Variants in MIPOL1 observed in about 807,000 individuals in gnomAD.
The protein encoded by MIPOL1 is mirror-image polydactyly gene 1 protein.
A neutral mutation model predicts 60.9 loss-of-function variants in MIPOL1; 57 were observed. The observed-to-expected ratio is 0.94, with a 90% CI of 0.76 to 1.17. The LOEUF (loss-of-function observed/expected upper bound fraction) is 1.17. Ranked by LOEUF, MIPOL1 falls within the 50% of genes most tolerant of loss-of-function variation. The pLI, the probability that MIPOL1 is intolerant of heterozygous loss-of-function variation, is 0.00. For synonymous variants in MIPOL1, 179 were observed against 168.8 expected, an observed-to-expected ratio of 1.06 and a Z score of -0.47; for missense variants, 551 against 511.6, an observed-to-expected ratio of 1.08 and a Z score of -0.74.
chr14:37,410,674 T>A (rs1451828773), intron 10 of MIPOL1, among the ~76,000 whole-genome samples: 1 of 152,136 alleles, frequency 6.6e-6, no homozygotes, highest in East Asian at 1.9e-4. Context: ...AAATACATTT[T>A]AAAAATAGCA....
intron 11 of MIPOL1, among the ~76,000 whole-genome samples, chr14:37,453,077 A>G (rs939919811): frequency 6.6e-6 from 1 of 152,212 alleles, no homozygotes; most frequent in Non-Finnish European, 1.5e-5. Context: ...AATTTCCTTC[A>G]ATTCCCATCT....
chr14:37,248,311 C>T (rs1269329803), intron 3 of MIPOL1, among the ~76,000 whole-genome samples: 1 of 151,794 alleles, frequency 6.6e-6, no homozygotes. Flanking sequence ...GAAAGAGACA[C>T]AGGAAGGAAG....
intron 12 of MIPOL1, among the ~76,000 whole-genome samples, chr14:37,526,110 T>A (rs1409041420): frequency 1.3e-5 from 2 of 151,692 alleles, no homozygotes; most frequent in Non-Finnish European, 2.9e-5. Context: ...ATGTGATAGA[T>A]AACTTAAAAT....
intron 1 of MIPOL1, among the ~76,000 whole-genome samples, chr14:37,203,020 C>T (rs539114657): frequency 6.6e-6 from 1 of 152,304 alleles, no homozygotes; most frequent in East Asian, 1.9e-4. Context: ...CTCACTTCCA[C>T]TTGCAACTTC....
chr14:37,238,026 G>A (rs1029640476), intron 1 of MIPOL1, among the ~76,000 whole-genome samples: 2 of 151,992 alleles, frequency 1.3e-5, no homozygotes, highest in African/African-American at 4.8e-5. Flanking sequence ...GAGTACAATA[G>A]CGCGATCATA....
intron 12 of MIPOL1, among the ~76,000 whole-genome samples, chr14:37,510,829 C>T (rs918484199): frequency 1.3e-5 from 2 of 152,134 alleles, no homozygotes; most frequent in African/African-American, 2.4e-5. Context: ...TTTCTTCCAA[C>T]CCAGAGCCCA....
intron 11 of MIPOL1, among the ~76,000 whole-genome samples, chr14:37,433,466 C>CA (rs1457326013): frequency 6.6e-6 from 1 of 152,020 alleles, no homozygotes; most frequent in Non-Finnish European, 1.5e-5. Flanking sequence ...TGAGAACTTG[C>CA]AGTGTTTGGT....
chr14:37,495,960 C>G (rs2095121246), intron 11 of MIPOL1, among the ~76,000 whole-genome samples: 1 of 146,960 alleles, frequency 6.8e-6, no homozygotes, highest in South Asian at 2.2e-4. Flanking sequence ...CCTTCGCCCA[C>G]TTTTTGATGG....
intron 12 of MIPOL1, among the ~76,000 whole-genome samples, chr14:37,532,002 A>T (rs1372427980): frequency 2.0e-5 from 3 of 152,126 alleles, no homozygotes; most frequent in African/African-American, 7.2e-5. Flanking sequence ...GCATTAAGGG[A>T]TGGAGGGTGA....
chr14:37,431,605 G>C (rs2094069799), intron 11 of MIPOL1, among the ~76,000 whole-genome samples: 1 of 89,120 alleles, frequency 1.1e-5, no homozygotes, highest in Non-Finnish European at 2.0e-5. Flanking sequence ...TTGAGACAGA[G>C]TCTTGCTCTG....
At chr14:37,390,093 C>T (rs1045023676) in intron 10 of MIPOL1, among the ~76,000 whole-genome samples, 1 of 151,836 alleles carries the variant, frequency 6.6e-6, no homozygotes, top group African/African-American at 2.4e-5. Context: ...GTGGTGGGCA[C>T]CTGTAATCCC....
intron 11 of MIPOL1, among the ~76,000 whole-genome samples, chr14:37,493,051 A>G (rs1255399693): frequency 6.6e-6 from 1 of 152,218 alleles, no homozygotes; most frequent in Non-Finnish European, 1.5e-5. Flanking sequence ...CTAATGATTG[A>G]GCAATTACTG....
In MIPOL1 at chr14:37,340,366, C is replaced by T. The variant is rs188748286; in HGVS notation, c.829-29151C>T. On this transcript the variant is annotated intron_variant, in intron 9 of 12. Coordinates refer to ENST00000684589, the MANE Select transcript of MIPOL1 (RefSeq NM_001388067.1). Reference sequence around the variant, plus strand: ...TACAATGTGTTTATGTTTTAAGCTGCTTATTACAATAGTCAAATAGTTAAA... The same window carrying T: ...TACAATGTGTTTATGTTTTAAGCTGTTTATTACAATAGTCAAATAGTTAAA... 2.1e-4 allele frequency among the ~76,000 whole-genome samples: 32 copies of T among 152,168 alleles called. 1 individual carries two copies. Among genetic ancestry groups the T allele is most frequent in the Admixed American group, 2.0e-3 (31 of 15,278 alleles).
chr14:37,481,608 CA>C (rs1566684052), intron 11 of MIPOL1, among the ~76,000 whole-genome samples: 61 of 141,836 alleles, frequency 4.3e-4, no homozygotes, highest in African/African-American at 1.2e-3. Context: ...CACACACACA[CA>C]CACCGAAACC....
intron 9 of MIPOL1, among the ~76,000 whole-genome samples, chr14:37,345,696 A>G (rs144365845): frequency 1.1e-3 from 172 of 152,258 alleles, no homozygotes; most frequent in African/African-American, 3.9e-3. Context: ...CCCATATTCC[A>G]GGTGCTAGGG....
intron 7 of MIPOL1, among the ~76,000 whole-genome samples, chr14:37,295,796 T>G (rs1439635353): frequency 6.6e-6 from 1 of 152,122 alleles, no homozygotes; most frequent in Non-Finnish European, 1.5e-5. Flanking sequence ...GCACCCAGAT[T>G]CATAAAGCAA....
At chr14:37,372,519 T>G (rs1455362775) in intron 10 of MIPOL1, among the ~76,000 whole-genome samples, 1 of 152,002 alleles carries the variant, frequency 6.6e-6, no homozygotes, top group Non-Finnish European at 1.5e-5. Context: ...TTAGGGAGGC[T>G]GAGATGGGTG....
At chr14:37,359,826 G>A (rs888775077) in intron 9 of MIPOL1, among the ~76,000 whole-genome samples, 4 of 152,172 alleles carry the variant, frequency 2.6e-5, no homozygotes, top group East Asian at 3.9e-4. Context: ...TCTCTTGCCC[G>A]ATTGCCCTGG....
chr14:37,414,767 A>G (rs1007503085), intron 10 of MIPOL1, among the ~76,000 whole-genome samples: 13 of 152,198 alleles, frequency 8.5e-5, no homozygotes, highest in African/African-American at 3.1e-4. Flanking sequence ...ACCGAATCCA[A>G]GTAAACAGGC....
Sources: allele counts gnomAD v4.1 joint callset (sites outside exome capture counted in the v4.1 genomes callset), GRCh38; gene constraint gnomAD v4.1.1; transcripts MANE v1.5; gene names NCBI Gene and HGNC (gene_info 2026-07-23, HGNC 2026-07-21).